The following OSCAR variants were observed in gnomAD, a reference collection of about 807,000 sequenced individuals.
The protein encoded by OSCAR is osteoclast-associated immunoglobulin-like receptor.
OSCAR carries 25 observed loss-of-function variants against 27.3 expected under a neutral mutation model. The ratio of observed to expected loss-of-function variants is 0.92; its 90% CI spans 0.67 to 1.28. The LOEUF (loss-of-function observed/expected upper bound fraction) is 1.28, where lower values mean the gene tolerates loss of function less well. OSCAR is among the 50% of genes most tolerant of loss of function. The pLI is 0.00. For synonymous variants in OSCAR, 158 were observed against 165.7 expected, an observed-to-expected ratio of 0.95 and a Z score of 0.36; for missense variants, 354 against 355.1, an observed-to-expected ratio of 1.00 and a Z score of 0.03.
Position 54,096,015 on chromosome 19 carries a change from T to G in OSCAR, c.512A>C (p.Gln171Pro). 1 of 1,573,486 alleles carries G rather than the reference T, an allele frequency of 6.4e-7. No individual in the cohort carries two copies. Among genetic ancestry groups the G allele is most frequent in the Non-Finnish European group, 8.6e-7 (1 of 1,161,638 alleles). ...LYREGVAAPL[Q>P]YRHSAQPWAD... ...CCAGGGCTGCGCGGAGTGGCGGTACTGCAGCGGGGCCGCCACGCCCTCGCG... is the reference window on the plus strand; with the variant it reads ...CCAGGGCTGCGCGGAGTGGCGGTACGGCAGCGGGGCCGCCACGCCCTCGCG... The change falls in exon 4 of 5, where the codon CAG becomes CCG. Residue 171 changes from glutamine (Q) to proline (P), a missense_variant. Physicochemically the swap from Gln to Pro is moderately conservative, Grantham distance 76 (BLOSUM62 -1). Transcript: ENST00000358375.
At chr19:54,095,616 G>T in intron 4 of OSCAR, 1 of 1,077,790 alleles carries the variant, frequency 9.3e-7, no homozygotes, top group East Asian at 2.6e-5. Context: ...GGAGTCCTGG[G>T]TCTGAGGGAG....
intron 3 of OSCAR, among the ~76,000 whole-genome samples, chr19:54,096,634 C>A (rs1484877896): frequency 1.3e-5 from 2 of 149,646 alleles, no homozygotes; most frequent in African/African-American, 2.5e-5. Context: ...CTCTCTCTGC[C>A]TCCCTTTCTC....
At position 54,097,024 on chromosome 19, in the gene OSCAR, C is replaced by A; in HGVS notation, c.211G>T (p.Ala71Ser). ...RFGLFKPGEI[A>S]PLLFRDVSSE... is the part of the protein sequence containing the mutation. ...GACACATCCCGGAAGAGAAGGGGAG[C>A]GATCTCTCCAGGCTTGAAAAGTCCA... Residue 71 changes from alanine (A) to serine (S), a missense_variant, in exon 3 of 5, where the codon GCT becomes TCT. Physicochemically the swap from Ala to Ser is moderately conservative, Grantham distance 99. Coordinates refer to ENST00000358375, the MANE Select transcript of OSCAR (RefSeq NM_133169.6). 1.2e-6 allele frequency: 2 copies of A among 1,614,144 alleles called. No individual in the cohort carries two copies. The highest frequency in any genetic ancestry group is 1.1e-5 in the South Asian group (1 of 91,082).
At position 54,095,879 on chromosome 19, in the gene OSCAR, G is replaced by A. The variant is rs1286417354; in HGVS notation, c.648C>T (p.Ser216=). The A allele has an allele frequency of 1.3e-6, 2 of 1,558,466 alleles. No individual in the cohort carries two copies. The highest frequency in any genetic ancestry group is 4.8e-5 in the East Asian group (2 of 41,518). The change falls in exon 4 of 5, where the codon AGC becomes AGT. Residue 216 remains serine (S), a synonymous_variant. Coordinates refer to ENST00000358375, the MANE Select transcript of OSCAR (RefSeq NM_133169.6). ...LSQRSEVLVI[S]WEDSGSSDYT... ...GGGCCTCAGGGCCCTCACCTTCCCA[G>A]CTGATGACCAGCACCTCGCTGCGCT...
At chr19:54,096,759 T>A in intron 3 of OSCAR, 103 bp downstream of exon 3, 1 of 1,276,934 alleles carries the variant, frequency 7.8e-7, no homozygotes, top group Non-Finnish European at 1.1e-6. Flanking sequence ...TGTCTGTGAA[T>A]CTGTTTGCCC....
In OSCAR at chr19:54,094,970, C is replaced by T. The variant is rs2072548128; in HGVS notation, c.*251G>A. On this transcript the variant is annotated 3_prime_UTR_variant, in exon 5 of 5. Coordinates refer to ENST00000358375, the MANE Select transcript of OSCAR (RefSeq NM_133169.6). Reference sequence around the variant, plus strand: ...AGCTGCTACTACTACAGTGAGTAGACGGCAGTGCTGGGATTCGAACCCTCT... The same window carrying T: ...AGCTGCTACTACTACAGTGAGTAGATGGCAGTGCTGGGATTCGAACCCTCT... The T allele has an allele frequency of 7.9e-6, 4 of 508,230 alleles. No individual in the cohort carries two copies. The highest frequency in any genetic ancestry group is 3.5e-5 in the East Asian group (1 of 28,768). 31.5% of individuals were successfully genotyped at this position (508,230 alleles called of 1,614,324 possible). A position where few individuals can be genotyped will look rare whatever the true frequency, so the allele number is the denominator to read the frequency against.
chr19:54,097,292 G>T, intron 2 of OSCAR, 128 bp from the exon 3 acceptor site: 2 of 986,118 alleles, frequency 2.0e-6, no homozygotes, highest in Non-Finnish European at 2.9e-6. Flanking sequence ...TTTCCTGTTT[G>T]TAAAATCAGG....
rs1386958513 is a variant in OSCAR, at chr19:54,095,858, C to T, written c.655+14G>A. The T allele has an allele frequency of 6.4e-7, 1 of 1,552,760 alleles. No individual in the cohort carries two copies. The highest frequency in any genetic ancestry group is 1.2e-5 in the South Asian group (1 of 84,174). On this transcript the variant is annotated intron_variant, in intron 4 of 4. Transcript: ENST00000358375. ...CTGGGGCGGAGGAGGCGGGCCGGGC[C>T]TCAGGGCCCTCACCTTCCCAGCTGA...
Position 54,095,329 on chromosome 19 carries a change from C to A in OSCAR, c.684G>T (p.Gly228=). 2 of 1,574,142 alleles carry A rather than the reference C, an allele frequency of 1.3e-6. No homozygotes were observed. The highest frequency in any genetic ancestry group is 1.7e-6 in the Non-Finnish European group (2 of 1,160,046). Residue 228 remains glycine (G), a synonymous_variant, in exon 5 of 5, where the codon GGG becomes GGT. Transcript: ENST00000358375. ...EDSGSSDYTR[G]NLVRLGLAGL... ...CGGCCAGCCCCAGGCGGACTAGGTT[C>A]CCCCGGGTGTAGTCGGAGGAGCCAG...
At chr19:54,100,023 G>T (rs587634042) in intron 1 of OSCAR, among the ~76,000 whole-genome samples, 31 of 152,238 alleles carry the variant, frequency 2.0e-4, no homozygotes, top group African/African-American at 6.0e-4. Context: ...TGTTGGTCAG[G>T]CTGGTCTTGA....
chr19:54,098,982 A>T (rs759075605), intron 2 of OSCAR, among the ~76,000 whole-genome samples: 17 of 151,918 alleles, frequency 1.1e-4, no homozygotes, highest in Non-Finnish European at 2.1e-4. Context: ...AACTGGTCTC[A>T]AAATAAATAA....
rs200298013 is a variant in OSCAR, at chr19:54,095,178, C to T, written c.*43G>A. On this transcript the variant is annotated 3_prime_UTR_variant, in exon 5 of 5. Transcript: ENST00000358375. ...GTCCAGCCCAGGGTCCCAGCTTCTC[C>T]GCCACTCAGGTTGGAAGTCTCGGGC... is the stretch of plus-strand genomic sequence containing the variant. The T allele has an allele frequency of 1.5e-5, 24 of 1,592,590 alleles. No individual in the cohort carries two copies. The highest frequency in any genetic ancestry group is 8.7e-5 in the Admixed American group (5 of 57,800).
chr19:54,096,721 CT>C, intron 3 of OSCAR, 140 bp downstream of exon 3: 4 of 900,712 alleles, frequency 4.4e-6, no homozygotes, highest in Non-Finnish European at 6.6e-6. Flanking sequence ...CTCTCTCCCC[CT>C]AGTGTCTCTG....
chr19:54,100,680 T>A, intron 1 of OSCAR, 76 bp downstream of exon 1: 1 of 1,444,774 alleles, frequency 6.9e-7, no homozygotes, highest in South Asian at 1.3e-5. Context: ...CCCTGCAGGG[T>A]GTCTGGGTCT....
intron 4 of OSCAR, chr19:54,095,601 G>T (rs2072604460): frequency 8.8e-7 from 1 of 1,135,778 alleles, no homozygotes; most frequent in Non-Finnish European, 1.2e-6. Flanking sequence ...AGGGGCTGGG[G>T]GCCTGGAGTC....
chr19:54,096,307 T>TCC (rs1388539301), intron 3 of OSCAR, among the ~76,000 whole-genome samples, 154 bp from the exon 4 acceptor site: 1 of 150,366 alleles, frequency 6.7e-6, no homozygotes, highest in Non-Finnish European at 1.5e-5. Context: ...TCTGTCTGCC[T>TCC]CTCTCTCTGC....
intron 1 of OSCAR, among the ~76,000 whole-genome samples, 176 bp from the exon 2 acceptor site, chr19:54,099,956 G>T (rs2072961659): frequency 6.6e-6 from 1 of 152,026 alleles, no homozygotes; most frequent in African/African-American, 2.4e-5. Context: ...GGGACTACAA[G>T]TGCCCGCCAC....
At chr19:54,099,470 G>A (rs893237880) in intron 2 of OSCAR, 7 of 995,178 alleles carry the variant, frequency 7.0e-6, no homozygotes, top group Admixed American at 1.8e-5. Context: ...GAAGGAAATG[G>A]AGTCTTAGCA....
At chr19:54,100,706 C>G in intron 1 of OSCAR, 50 bp downstream of exon 1, 1 of 1,536,322 alleles carries the variant, frequency 6.5e-7, no homozygotes, top group Non-Finnish European at 8.8e-7. Context: ...GCCTCTCTCT[C>G]TGCCCCCAAC....
Sources: gnomAD v4.1 joint callset for allele counts (sites outside exome capture counted in the v4.1 genomes callset) on GRCh38, gnomAD v4.1.1 for gene constraint, MANE v1.5 for transcripts, NCBI Gene and HGNC (gene_info 2026-07-23, HGNC 2026-07-21) for gene names.